ADAM12: variants seen among roughly 807,000 people sequenced by gnomAD.
The protein encoded by ADAM12 is ADAM metallopeptidase domain 12.
Under a neutral mutation model 106.4 loss-of-function variants are expected in ADAM12, and 70 were observed. That is an observed-to-expected ratio of 0.66 (90% CI 0.54 to 0.80). The LOEUF (loss-of-function observed/expected upper bound fraction) is 0.80, where lower values mean the gene tolerates loss of function less well. Ranked by LOEUF, ADAM12 falls within the 30% of genes least tolerant of loss-of-function variation. ADAM12 has a pLI of 0.00. For synonymous variants in ADAM12, 420 were observed against 433.5 expected, an observed-to-expected ratio of 0.97 and a Z score of 0.39; for missense variants, 1,010 against 1,171.9, an observed-to-expected ratio of 0.86 and a Z score of 2.02.
At chr10:126,026,029 C>G (rs1953866652) in intron 21 of ADAM12, among the ~76,000 whole-genome samples, 1 of 152,134 alleles carries the variant, frequency 6.6e-6, no homozygotes, top group African/African-American at 2.4e-5. Context: ...TTTTCCAACC[C>G]AGAATTTCAT....
At chr10:126,344,472 G>C (rs1008556099) in intron 1 of ADAM12, among the ~76,000 whole-genome samples, 19 of 152,118 alleles carry the variant, frequency 1.2e-4, no homozygotes, top group African/African-American at 4.3e-4. Context: ...CTCCAGTTTT[G>C]TTCTTTTGGC....
Position 126,154,131 on chromosome 10 carries a change from C to G in ADAM12, c.339+1096G>C, listed in dbSNP as rs145240282. ...CTTCTCTTTTTCCAAACCCAAGCAC[C>G]AGGCCCTCTTTCTGGGTCTTGAATA... On this transcript the variant is annotated intron_variant, in intron 4 of 22. Coordinates refer to ENST00000448723, the MANE Select transcript of ADAM12 (RefSeq NM_001288973.2). 3.9e-3 allele frequency among the ~76,000 whole-genome samples: 600 copies of G among 152,286 alleles called. 11 individuals carry two copies. The highest frequency in any genetic ancestry group is 0.013 in the African/African-American group (559 of 41,546).
At chr10:126,130,642 C>T (rs982257524) in intron 5 of ADAM12, among the ~76,000 whole-genome samples, 3 of 152,194 alleles carry the variant, frequency 2.0e-5, no homozygotes, top group East Asian at 1.9e-4. Flanking sequence ...CACCACCATG[C>T]GGAAGGAACT....
chr10:126,258,771 A>G (rs1358491663), intron 3 of ADAM12, among the ~76,000 whole-genome samples: 1 of 151,834 alleles, frequency 6.6e-6, no homozygotes, highest in Non-Finnish European at 1.5e-5. Flanking sequence ...AGGTGACAGT[A>G]CTTCTAGCCT....
intron 3 of ADAM12, among the ~76,000 whole-genome samples, chr10:126,167,163 C>T (rs969952008): frequency 2.0e-5 from 3 of 152,214 alleles, no homozygotes; most frequent in African/African-American, 7.2e-5. Context: ...TAAGCAAAGG[C>T]ACTTTACGTG....
At chr10:126,035,344 T>C (rs1451642848) in intron 21 of ADAM12, among the ~76,000 whole-genome samples, 2 of 152,122 alleles carry the variant, frequency 1.3e-5, no homozygotes, top group Non-Finnish European at 2.9e-5. Flanking sequence ...CAGCAAAAAA[T>C]GATACATCAA....
At chr10:126,328,046 TC>T (rs1255030413) in intron 2 of ADAM12, among the ~76,000 whole-genome samples, 1 of 152,244 alleles carries the variant, frequency 6.6e-6, no homozygotes, top group Admixed American at 6.5e-5. Context: ...TATCTTTCCT[TC>T]TTAGAAAGGG....
chr10:126,355,852 A>G (rs1167231129), intron 1 of ADAM12, among the ~76,000 whole-genome samples: 1 of 152,192 alleles, frequency 6.6e-6, no homozygotes, highest in Non-Finnish European at 1.5e-5. Context: ...GCCCCCAGTG[A>G]GAGGTACCAG....
chr10:126,336,950 G>A (rs1025051915), intron 1 of ADAM12, among the ~76,000 whole-genome samples: 5 of 152,226 alleles, frequency 3.3e-5, no homozygotes, highest in African/African-American at 1.2e-4. Context: ...GGTGAGTGGA[G>A]CTGGGCTATG....
chr10:126,347,652 G>A (rs1279364169), intron 1 of ADAM12, among the ~76,000 whole-genome samples: 1 of 152,106 alleles, frequency 6.6e-6, no homozygotes, highest in East Asian at 1.9e-4. Context: ...TTTCTTTGTT[G>A]TTTCAATGTG....
intron 3 of ADAM12, among the ~76,000 whole-genome samples, chr10:126,166,522 G>A (rs1016497779): frequency 7.7e-5 from 10 of 129,274 alleles, no homozygotes; most frequent in African/African-American, 2.2e-4. Context: ...TTTTTGAGAC[G>A]GAGTCTCGTT....
chr10:126,345,032 T>C (rs902427758), intron 1 of ADAM12, among the ~76,000 whole-genome samples: 28 of 152,160 alleles, frequency 1.8e-4, no homozygotes, highest in African/African-American at 5.1e-4. Flanking sequence ...TCCTGCCTGA[T>C]TGCCCTGGCC....
At chr10:126,150,262 T>C (rs1956705496) in intron 4 of ADAM12, among the ~76,000 whole-genome samples, 1 of 152,160 alleles carries the variant, frequency 6.6e-6, no homozygotes, top group Non-Finnish European at 1.5e-5. Context: ...AATGAGATCT[T>C]AGGGAGGTAA....
At chr10:126,078,215 T>C (rs1955140630) in intron 11 of ADAM12, among the ~76,000 whole-genome samples, 2 of 152,216 alleles carry the variant, frequency 1.3e-5, no homozygotes, top group African/African-American at 4.8e-5. Context: ...AATACAACTT[T>C]GAGTGGCAAA....
intron 2 of ADAM12, among the ~76,000 whole-genome samples, chr10:126,326,152 AT>A (rs1373116087): frequency 1.3e-5 from 2 of 152,142 alleles, no homozygotes; most frequent in African/African-American, 2.4e-5. Flanking sequence ...TGCAGCATCA[AT>A]TTCCCCAAGT....
Position 126,071,575 on chromosome 10 carries a change from G to A in ADAM12, c.1225C>T (p.Leu409=), listed in dbSNP as rs775539172. The change falls in exon 12 of 23, where the codon CTG becomes TTG. Residue 409 remains leucine (L), a synonymous_variant. Coordinates refer to ENST00000448723, the MANE Select transcript of ADAM12 (RefSeq NM_001288973.2). ...TSLEKGMGVC[L]FNLPEVRESF... ...TCCCTGACTTCCGGCAGGTTAAACA[G>A]GCACACCCCCATTCCTTTCTCCAGG... 3 of 1,614,106 alleles carry A rather than the reference G, an allele frequency of 1.9e-6. No homozygotes were observed. In the East Asian group the frequency reaches 6.7e-5, roughly 36 times the overall value.
At chr10:126,276,681 A>C (rs1035765580) in intron 3 of ADAM12, among the ~76,000 whole-genome samples, 5 of 152,222 alleles carry the variant, frequency 3.3e-5, no homozygotes, top group African/African-American at 1.2e-4. Context: ...TATCATAGGA[A>C]CATATGAAAC....
chr10:126,368,659 GTT>G (rs5788783), intron 1 of ADAM12, among the ~76,000 whole-genome samples: 2 of 149,258 alleles, frequency 1.3e-5, no homozygotes, highest in East Asian at 3.9e-4. Context: ...TGTTGTTGTT[GTT>G]TTTTTTTGCC....
Position 126,174,822 on chromosome 10 carries a change from G to C in ADAM12, c.261-19517C>G, listed in dbSNP as rs191445376. ...GGCTGGAGTGCAGTGGCTTGATCTC[G>C]GCTCACTGCAAGCTCCGCCTTCCGG... On this transcript the variant is annotated intron_variant, in intron 3 of 22. Coordinates refer to ENST00000448723, the MANE Select transcript of ADAM12 (RefSeq NM_001288973.2). Among the ~76,000 whole-genome samples the C allele has an allele frequency of 1.4e-3, 208 of 150,602 alleles. 2 individuals are homozygous for C. In the East Asian group the frequency reaches 0.036, roughly 26 times the overall value.
Sources: gnomAD v4.1 joint callset for allele counts (sites outside exome capture counted in the v4.1 genomes callset) on GRCh38, gnomAD v4.1.1 for gene constraint, MANE v1.5 for transcripts, NCBI Gene and HGNC (gene_info 2026-07-23, HGNC 2026-07-21) for gene names.